OSBPL6: variants seen among roughly 807,000 people sequenced by gnomAD.
OSBPL6 encodes oxysterol-binding protein-related protein 6.
Under a neutral mutation model 125.8 loss-of-function variants are expected in OSBPL6, and 49 were observed. That is an observed-to-expected ratio of 0.39 (90% CI 0.31 to 0.49). The LOEUF is 0.49. Among genes scored for constraint, OSBPL6 ranks in the 20% least tolerant of loss-of-function variants. The pLI is 0.88. For missense variants in OSBPL6, 986 were observed against 1,135.4 expected (o/e 0.87, Z 1.89); for synonymous variants, 394 against 391.8 (o/e 1.01, Z -0.07).
intron 3 of OSBPL6, among the ~76,000 whole-genome samples, chr2:178,309,093 T>G (rs1687031129): frequency 1.3e-5 from 2 of 152,126 alleles, no homozygotes; most frequent in Non-Finnish European, 2.9e-5. Flanking sequence ...CTACTTGCCT[T>G]TCCTGCATGG....
At chr2:178,344,156 C>G in intron 11 of OSBPL6, 1 of 728,382 alleles carries the variant, frequency 1.4e-6, no homozygotes, top group Non-Finnish European at 2.3e-6. Flanking sequence ...CTTTTCGATG[C>G]TGATTTAAGA....
At chr2:178,316,244 T>C (rs1687725761) in intron 3 of OSBPL6, among the ~76,000 whole-genome samples, 1 of 152,202 alleles carries the variant, frequency 6.6e-6, no homozygotes, top group Non-Finnish European at 1.5e-5. Flanking sequence ...GAGTGAAATT[T>C]AGTGATATGT....
In OSBPL6 at chr2:178,365,716, T is replaced by G. The variant is rs186469411; in HGVS notation, c.1287+3901T>G. ...AATAAAGTAATATTATTTCCCAATC[T>G]ATATGTACACAAAAACATATATAAT... On this transcript the variant is annotated intron_variant, in intron 13 of 24. Transcript: ENST00000190611. Among the ~76,000 whole-genome samples the G allele has an allele frequency of 1.5e-3, 235 of 152,218 alleles. 1 individual carries two copies. The highest frequency in any genetic ancestry group is 2.9e-3 in the Non-Finnish European group (197 of 68,012).
intron 1 of OSBPL6, among the ~76,000 whole-genome samples, chr2:178,215,516 T>C (rs1006950102): frequency 3.9e-5 from 6 of 152,152 alleles, no homozygotes; most frequent in African/African-American, 1.2e-4. Flanking sequence ...TAAAACCTAA[T>C]TGCAGGCCCA....
chr2:178,322,386 A>G (rs1162240356), intron 3 of OSBPL6, among the ~76,000 whole-genome samples: 1 of 152,246 alleles, frequency 6.6e-6, no homozygotes, highest in Non-Finnish European at 1.5e-5. Flanking sequence ...AGCAGTAGCC[A>G]CATGAAACAA....
intron 1 of OSBPL6, among the ~76,000 whole-genome samples, chr2:178,272,281 CT>C (rs1004843570): frequency 1.3e-5 from 2 of 152,172 alleles, no homozygotes; most frequent in Admixed American, 1.3e-4. Flanking sequence ...TTTGGATATA[CT>C]TTTGTTAATC....
chr2:178,281,995 C>T (rs1271995565), intron 1 of OSBPL6, among the ~76,000 whole-genome samples: 1 of 152,178 alleles, frequency 6.6e-6, no homozygotes, highest in Admixed American at 6.6e-5. Context: ...GGTCCGGTCC[C>T]TGCTTCCCGG....
At chr2:178,201,799 A>G (rs150830758) in intron 1 of OSBPL6, among the ~76,000 whole-genome samples, 1 of 152,368 alleles carries the variant, frequency 6.6e-6, no homozygotes, top group Non-Finnish European at 1.5e-5. Context: ...TAGAAAAAAT[A>G]CTGACAGGGA....
rs559060793 is a variant in OSBPL6 at position 178,194,720 on chromosome 2, G to C, written c.-351+46G>C. ...GGGATTGCTTGGGGCGGGCGCCAAG[G>C]TGCCCGCATCGCGGCCCGGGGGCAT... On this transcript the variant is annotated intron_variant, in intron 1 of 24. Transcript: ENST00000190611. 1.5e-3 allele frequency: 230 copies of C among 152,350 alleles called. 2 individuals are homozygous for C. Among genetic ancestry groups the C allele is most frequent in the African/African-American group, 5.4e-3 (223 of 41,576 alleles). The allele number at this position is 152,350 out of a possible 1,614,324, so 9.4% of individuals were successfully genotyped here.
intron 1 of OSBPL6, among the ~76,000 whole-genome samples, chr2:178,229,179 A>G (rs1332698226): frequency 2.0e-5 from 3 of 152,152 alleles, no homozygotes; most frequent in Non-Finnish European, 4.4e-5. Context: ...AGAATGTGAC[A>G]TGAATCCCTC....
At chr2:178,373,783 C>A in intron 14 of OSBPL6, 107 bp from the exon 15 acceptor site, 1 of 1,383,236 alleles carries the variant, frequency 7.2e-7, no homozygotes, top group South Asian at 1.5e-5. Flanking sequence ...TTGTGGCTGC[C>A]ACTTTTTAAC....
intron 3 of OSBPL6, among the ~76,000 whole-genome samples, chr2:178,319,964 A>T (rs931786592): frequency 8.5e-5 from 13 of 152,098 alleles, no homozygotes; most frequent in Non-Finnish European, 1.5e-5. Flanking sequence ...AATTCTCTTT[A>T]CTACTGTCCT....
intron 1 of OSBPL6, among the ~76,000 whole-genome samples, chr2:178,275,346 T>C (rs2092448600): frequency 6.6e-6 from 1 of 152,046 alleles, no homozygotes; most frequent in African/African-American, 2.4e-5. Context: ...ACCCCGTCTC[T>C]ACTAAAACTA....
chr2:178,293,578 T>A (rs368686392), intron 2 of OSBPL6, among the ~76,000 whole-genome samples: 48 of 152,266 alleles, frequency 3.2e-4, no homozygotes, highest in African/African-American at 1.1e-3. Flanking sequence ...GCATGCAATG[T>A]GTAATCACAT....
chr2:178,214,474 G>A (rs1414952796), intron 1 of OSBPL6, among the ~76,000 whole-genome samples: 2 of 152,170 alleles, frequency 1.3e-5, no homozygotes, highest in Non-Finnish European at 2.9e-5. Context: ...CCGTAGGACA[G>A]GCTGTCTGGA....
At chr2:178,238,402 C>T (rs1415555849) in intron 1 of OSBPL6, among the ~76,000 whole-genome samples, 2 of 152,080 alleles carry the variant, frequency 1.3e-5, no homozygotes, top group African/African-American at 2.4e-5. Flanking sequence ...GTCCAAGTCA[C>T]CCTTATTTTA....
At chr2:178,318,219 C>A (rs1687936911) in intron 3 of OSBPL6, among the ~76,000 whole-genome samples, 1 of 152,168 alleles carries the variant, frequency 6.6e-6, no homozygotes, top group Non-Finnish European at 1.5e-5. Context: ...GTATTTCTTA[C>A]AATACAGGGT....
chr2:178,338,830 C>T lies in OSBPL6; in HGVS notation c.791-161C>T, dbSNP rs1689936034. 2.6e-5 allele frequency among the ~76,000 whole-genome samples: 4 copies of T among 152,178 alleles called. No homozygotes were observed. The South Asian group carries it at 8.3e-4, about 32-fold the overall frequency. On this transcript the variant is annotated intron_variant, in intron 9 of 24. Transcript: ENST00000190611. ...ATATAATGAATGGTTTTTGGTTCTG[C>T]ACCAGAAAAGGGTCTGTTTTGTTTC... is the stretch of plus-strand genomic sequence containing the variant.
At chr2:178,367,262 A>G (rs1036419681) in intron 13 of OSBPL6, among the ~76,000 whole-genome samples, 3 of 152,200 alleles carry the variant, frequency 2.0e-5, no homozygotes, top group African/African-American at 7.2e-5. Context: ...AAATTTGTCT[A>G]TATTTTGCAT....
Sources: allele counts gnomAD v4.1 joint callset (sites outside exome capture counted in the v4.1 genomes callset), GRCh38; gene constraint gnomAD v4.1.1; transcripts MANE v1.5; gene names NCBI Gene and HGNC (gene_info 2026-07-23, HGNC 2026-07-21).